The following PLXDC2 variants were observed in gnomAD, a reference collection of about 807,000 sequenced individuals.
The protein encoded by PLXDC2 is plexin domain containing 2.
In PLXDC2, 40 loss-of-function variants were observed where a neutral mutation model predicts 68.9. The observed-to-expected ratio is 0.58, with a 90% CI of 0.45 to 0.76. The LOEUF (loss-of-function observed/expected upper bound fraction) is 0.76, where lower values mean the gene tolerates loss of function less well. Among genes scored for constraint, PLXDC2 ranks in the 30% least tolerant of loss-of-function variants. The pLI, the probability that PLXDC2 is intolerant of heterozygous loss-of-function variation, is 0.00. For synonymous variants in PLXDC2, 243 were observed against 234.2 expected, an observed-to-expected ratio of 1.04 and a Z score of -0.34; for missense variants, 644 against 661.9, an observed-to-expected ratio of 0.97 and a Z score of 0.30.
At chr10:20,172,377 C>T (rs1035293087) in intron 7 of PLXDC2, among the ~76,000 whole-genome samples, 25 of 152,214 alleles carry the variant, frequency 1.6e-4, no homozygotes, top group African/African-American at 5.8e-4. Flanking sequence ...GCAATGGAAC[C>T]GTGATATTGT....
intron 1 of PLXDC2, among the ~76,000 whole-genome samples, chr10:19,821,188 T>C (rs565648067): frequency 5.3e-5 from 8 of 152,366 alleles, no homozygotes; most frequent in Admixed American, 1.3e-4. Context: ...TCAAGGCCAT[T>C]GCCTGTGGCC....
chr10:19,986,126 G>A (rs553394257), intron 1 of PLXDC2, among the ~76,000 whole-genome samples: 1 of 152,300 alleles, frequency 6.6e-6, no homozygotes, highest in East Asian at 1.9e-4. Flanking sequence ...TCGAATTGAG[G>A]AGAAAGCACT....
At chr10:20,259,148 A>G (rs888639481) in intron 13 of PLXDC2, among the ~76,000 whole-genome samples, 3 of 152,188 alleles carry the variant, frequency 2.0e-5, no homozygotes, top group African/African-American at 7.2e-5. Context: ...TAAAAAATAT[A>G]TATTAACACA....
intron 4 of PLXDC2, among the ~76,000 whole-genome samples, chr10:20,072,383 GAGAA>G (rs1836334065): frequency 7.9e-6 from 1 of 126,674 alleles, no homozygotes; most frequent in Admixed American, 7.8e-5. Flanking sequence ...AAAATAAAGA[GAGAA>G]AGAGGAAAGA....
chr10:20,058,588 T>G (rs1291933498), intron 3 of PLXDC2, among the ~76,000 whole-genome samples: 1 of 152,184 alleles, frequency 6.6e-6, no homozygotes, highest in Non-Finnish European at 1.5e-5. Context: ...ACACTTACCT[T>G]TAAAACAGTC....
chr10:19,894,837 A>G (rs551780774), intron 1 of PLXDC2, among the ~76,000 whole-genome samples: 94 of 152,302 alleles, frequency 6.2e-4, no homozygotes, highest in African/African-American at 2.2e-3. Flanking sequence ...TGGGAGTGTA[A>G]ATTAGTTCAA....
chr10:20,209,393 G>A (rs1835036988), intron 9 of PLXDC2, among the ~76,000 whole-genome samples: 1 of 151,942 alleles, frequency 6.6e-6, no homozygotes, highest in Non-Finnish European at 1.5e-5. Context: ...TTGTGGGGTG[G>A]GGGAAGAGGG....
At chr10:20,191,250 G>A (rs896387818) in intron 9 of PLXDC2, among the ~76,000 whole-genome samples, 3 of 151,594 alleles carry the variant, frequency 2.0e-5, no homozygotes, top group African/African-American at 7.3e-5. Flanking sequence ...GAAAGCAATT[G>A]GCAGATTCTG....
At chr10:19,826,103 G>A (rs974324644) in intron 1 of PLXDC2, among the ~76,000 whole-genome samples, 1 of 152,184 alleles carries the variant, frequency 6.6e-6, no homozygotes, top group African/African-American at 2.4e-5. Flanking sequence ...ACTGAGTCAT[G>A]TTCTTAGTGG....
chr10:20,016,725 T>G (rs1835219411), intron 2 of PLXDC2, among the ~76,000 whole-genome samples: 1 of 152,210 alleles, frequency 6.6e-6, no homozygotes, highest in South Asian at 2.1e-4. Context: ...TGATCAAAGC[T>G]CAAGCTACCT....
At chr10:20,262,096 G>A (rs1214192832) in intron 13 of PLXDC2, among the ~76,000 whole-genome samples, 1 of 152,024 alleles carries the variant, frequency 6.6e-6, no homozygotes, top group African/African-American at 2.4e-5. Flanking sequence ...AGAGAATGAA[G>A]AAAAGCAAGA....
intron 2 of PLXDC2, among the ~76,000 whole-genome samples, chr10:20,032,622 A>T (rs1351097676): frequency 2.0e-5 from 3 of 152,038 alleles, no homozygotes; most frequent in Non-Finnish European, 4.4e-5. Context: ...TTGAGATCCT[A>T]AAAATTTTGA....
intron 1 of PLXDC2, among the ~76,000 whole-genome samples, chr10:19,946,604 A>G (rs1160395596): frequency 6.6e-6 from 1 of 151,740 alleles, no homozygotes; most frequent in African/African-American, 2.4e-5. Context: ...TTATGGCACC[A>G]GAGACCGATT....
chr10:19,870,436 T>TA (rs398012958), intron 1 of PLXDC2, among the ~76,000 whole-genome samples: 1 of 151,942 alleles, frequency 6.6e-6, no homozygotes, highest in African/African-American at 2.4e-5. Context: ...CTTTTTTTTT[T>TA]ATTTTTTGAG....
chr10:20,028,577 CTGACA>C (rs1835442102), intron 2 of PLXDC2, among the ~76,000 whole-genome samples: 1 of 152,110 alleles, frequency 6.6e-6, no homozygotes, highest in African/African-American at 2.4e-5. Flanking sequence ...AAAATGTTAA[CTGACA>C]TAAGTTACTC....
chr10:20,135,112 G>A (rs1356701153), intron 4 of PLXDC2, among the ~76,000 whole-genome samples: 1 of 152,148 alleles, frequency 6.6e-6, no homozygotes. Context: ...TCCATGGATG[G>A]TTGTATAAAT....
At chr10:20,274,151 T>G (rs1835975289) in intron 13 of PLXDC2, among the ~76,000 whole-genome samples, 1 of 151,912 alleles carries the variant, frequency 6.6e-6, no homozygotes, top group Non-Finnish European at 1.5e-5. Flanking sequence ...AAAGTGTTCT[T>G]GGAAATATGT....
chr10:19,979,050 C>T (rs562407643), intron 1 of PLXDC2, among the ~76,000 whole-genome samples: 1 of 152,270 alleles, frequency 6.6e-6, no homozygotes, highest in East Asian at 1.9e-4. Context: ...TAAAAGATCT[C>T]CAGGTTGAAG....
intron 1 of PLXDC2, among the ~76,000 whole-genome samples, chr10:19,862,747 G>T (rs1837340529): frequency 6.6e-6 from 1 of 152,112 alleles, no homozygotes; most frequent in Non-Finnish European, 1.5e-5. Flanking sequence ...AAATGGTGTA[G>T]GATCTATTTA....
Sources: allele counts gnomAD v4.1 joint callset (sites outside exome capture counted in the v4.1 genomes callset), GRCh38; gene constraint gnomAD v4.1.1; transcripts MANE v1.5; gene names NCBI Gene and HGNC (gene_info 2026-07-23, HGNC 2026-07-21).